Variants in SV2C observed in about 807,000 individuals in gnomAD.
The protein encoded by SV2C is solute carrier family 22 member B3.
SV2C carries 49 observed loss-of-function variants against 79.7 expected under a neutral mutation model. That is an observed-to-expected ratio of 0.61 (90% CI 0.49 to 0.78). The LOEUF (loss-of-function observed/expected upper bound fraction) is 0.78. Among genes scored for constraint, SV2C ranks in the 30% least tolerant of loss-of-function variants. The pLI is 0.00. For missense variants in SV2C, 833 were observed against 912.9 expected, an observed-to-expected ratio of 0.91 and a Z score of 1.13; for synonymous variants, 334 against 333.2, an observed-to-expected ratio of 1.00 and a Z score of -0.03.
At chr5:75,978,613 A>C in the SV2C span, among the ~76,000 whole-genome samples, 1 of 152,192 alleles carries the variant, frequency 6.6e-6, no homozygotes, top group African/African-American at 2.4e-5. Flanking sequence ...TTTCCACAAA[A>C]ATTTAAATAT....
chr5:76,165,039 C>T (rs1743005963), intron 2 of SV2C, among the ~76,000 whole-genome samples: 1 of 151,936 alleles, frequency 6.6e-6, no homozygotes, highest in Admixed American at 6.6e-5. Flanking sequence ...ATGCAATCAT[C>T]CTTTTTTAAA....
At chr5:76,028,804 T>C in the SV2C span, among the ~76,000 whole-genome samples, 1 of 152,174 alleles carries the variant, frequency 6.6e-6, no homozygotes, top group African/African-American at 2.4e-5. Context: ...TCATGGCCTC[T>C]ACCCACTAGA....
At chr5:76,114,624 A>G (rs1748205123) in intron 1 of SV2C, among the ~76,000 whole-genome samples, 1 of 152,226 alleles carries the variant, frequency 6.6e-6, no homozygotes, top group South Asian at 2.1e-4. Context: ...TCCCTCAGAA[A>G]AGACAGGCAG....
intron 2 of SV2C, among the ~76,000 whole-genome samples, chr5:76,178,315 C>T (rs772794598): frequency 6.6e-6 from 1 of 152,240 alleles, no homozygotes; most frequent in Non-Finnish European, 1.5e-5. Context: ...GAATTTGCAG[C>T]TGTGTTGTAC....
At chr5:76,228,649 C>G (rs1745323371) in intron 4 of SV2C, among the ~76,000 whole-genome samples, 1 of 152,148 alleles carries the variant, frequency 6.6e-6, no homozygotes, top group African/African-American at 2.4e-5. Flanking sequence ...AGAAACACCC[C>G]TCACTCACCC....
chr5:76,095,803 C>CT (rs1462381043), intron 1 of SV2C, among the ~76,000 whole-genome samples: 2 of 151,920 alleles, frequency 1.3e-5, no homozygotes, highest in Admixed American at 1.3e-4. Context: ...TGAAAAATAA[C>CT]TAAGTGATAG....
At chr5:76,297,975 T>G (rs576177334) in intron 9 of SV2C, among the ~76,000 whole-genome samples, 6 of 152,272 alleles carry the variant, frequency 3.9e-5, no homozygotes, top group South Asian at 2.1e-4. Context: ...TATTTATCTG[T>G]GTCTGCTGGG....
At chr5:76,198,827 A>C (rs553817833) in intron 3 of SV2C, among the ~76,000 whole-genome samples, 1 of 152,246 alleles carries the variant, frequency 6.6e-6, no homozygotes, top group East Asian at 1.9e-4. Flanking sequence ...TCAACTCAAA[A>C]AACATTGTAA....
At chr5:75,956,234 A>G in the SV2C span, among the ~76,000 whole-genome samples, 4 of 145,318 alleles carry the variant, frequency 2.8e-5, no homozygotes, top group South Asian at 2.2e-4. Context: ...TGATGAGTTC[A>G]TGTCCTTTGT....
At chr5:75,952,295 C>A in the SV2C span, among the ~76,000 whole-genome samples, 1 of 144,558 alleles carries the variant, frequency 6.9e-6, no homozygotes, top group African/African-American at 2.5e-5. Context: ...TCCTTTCTTC[C>A]TTCCTTCCTT....
the SV2C span, among the ~76,000 whole-genome samples, chr5:76,069,555 A>C: frequency 6.6e-6 from 1 of 151,736 alleles, no homozygotes; most frequent in African/African-American, 2.4e-5. Flanking sequence ...TTATCCCTCC[A>C]CTTGTCATGT....
the SV2C span, among the ~76,000 whole-genome samples, chr5:76,045,252 A>G: frequency 3.3e-5 from 5 of 152,054 alleles, no homozygotes; most frequent in Non-Finnish European, 7.4e-5. Flanking sequence ...TGAGATCCCT[A>G]TTCTGTTCCA....
chr5:76,288,812 C>A (rs1747446372), intron 6 of SV2C, among the ~76,000 whole-genome samples: 1 of 151,424 alleles, frequency 6.6e-6, no homozygotes, highest in Admixed American at 6.6e-5. Context: ...ACAAATTTAT[C>A]TTTTTATTTT....
intron 4 of SV2C, among the ~76,000 whole-genome samples, chr5:76,280,423 C>A (rs530440370): frequency 2.6e-5 from 4 of 152,328 alleles, no homozygotes; most frequent in African/African-American, 9.6e-5. Context: ...TCAGTTAGCT[C>A]TCTTCTGGGT....
chr5:75,859,211 A>T, the SV2C span, among the ~76,000 whole-genome samples: 2 of 152,334 alleles, frequency 1.3e-5, no homozygotes, highest in African/African-American at 4.8e-5. Context: ...AAAACTAAGG[A>T]TATAAGATTC....
chr5:76,138,138 G>A (rs185247358), intron 2 of SV2C, among the ~76,000 whole-genome samples: 65 of 152,290 alleles, frequency 4.3e-4, no homozygotes, highest in Non-Finnish European at 8.2e-4. Flanking sequence ...TTTCCCAGCT[G>A]TTGTTTCCTT....
chr5:75,966,551 C>G, the SV2C span, among the ~76,000 whole-genome samples: 5 of 152,288 alleles, frequency 3.3e-5, no homozygotes, highest in Non-Finnish European at 5.9e-5. Flanking sequence ...ACAAATGCTA[C>G]AGCAACACCC....
At chr5:76,227,404 CCT>C (rs1177124435) in intron 4 of SV2C, among the ~76,000 whole-genome samples, 3 of 152,302 alleles carry the variant, frequency 2.0e-5, no homozygotes, top group East Asian at 1.9e-4. Context: ...GCATTTCCCC[CCT>C]GTCTGGCTCA....
At chr5:76,215,520 T>G (rs943200543) in intron 4 of SV2C, among the ~76,000 whole-genome samples, 12 of 152,228 alleles carry the variant, frequency 7.9e-5, no homozygotes, top group African/African-American at 2.9e-4. Context: ...GACAAGGGGC[T>G]AAAAGTCTAT....
Sources: allele counts gnomAD v4.1 joint callset (sites outside exome capture counted in the v4.1 genomes callset), GRCh38; gene constraint gnomAD v4.1.1; transcripts MANE v1.5; gene names NCBI Gene and HGNC (gene_info 2026-07-23, HGNC 2026-07-21).